The following MINDY4 variants were observed in gnomAD, a reference collection of about 807,000 sequenced individuals.
The protein encoded by MINDY4 is MINDY lysine 48 deubiquitinase 4.
In MINDY4, 68 loss-of-function variants were observed where a neutral mutation model predicts 87.0. The observed-to-expected ratio is 0.78, with a 90% CI of 0.64 to 0.96. The LOEUF is 0.96. Ranked by LOEUF, MINDY4 falls within the 40% of genes least tolerant of loss-of-function variation. The pLI is 0.00. For missense variants in MINDY4, 919 were observed against 928.2 expected (o/e 0.99, Z 0.13); for synonymous variants, 379 against 363.2 (o/e 1.04, Z -0.50).
intron 5 of MINDY4, among the ~76,000 whole-genome samples, chr7:30,802,172 C>G (rs186936584): frequency 1.8e-4 from 27 of 151,914 alleles, no homozygotes; most frequent in Non-Finnish European, 3.4e-4. Context: ...TATGTTCCAG[C>G]AGTTCCTGGC....
At position 30,791,496 on chromosome 7, in the gene MINDY4, C is replaced by T; in HGVS notation, c.995C>T (p.Pro332Leu). Reference protein sequence around the residue: ...TDRMPLKLYLPGGNSRMTQER... With the variant: ...TDRMPLKLYLLGGNSRMTQER... ...AGGATGCCCTTGAAGCTCTACTTGC[C>T]TGGTGGTAATTCCAGGATGACCCAG... The change falls in exon 5 of 18, where the codon CCT (proline) becomes CTT (leucine). Residue 332 changes from proline (P) to leucine (L), a missense_variant. By Grantham distance (98) the Pro-to-Leu change is moderately conservative. Transcript: ENST00000265299. 6.2e-7 allele frequency: 1 copy of T among 1,614,006 alleles called. No homozygotes were observed. The highest frequency in any genetic ancestry group is 8.5e-7 in the Non-Finnish European group (1 of 1,179,946).
chr7:30,803,706 G>A (rs1787726905), intron 5 of MINDY4, among the ~76,000 whole-genome samples: 1 of 152,124 alleles, frequency 6.6e-6, no homozygotes, highest in African/African-American at 2.4e-5. Flanking sequence ...GGGGTAGGGG[G>A]GAAAGTTTGC....
rs138371071 is a variant in MINDY4 at position 30,836,614 on chromosome 7, G to A, written c.1133-44G>A. 7.2e-5 allele frequency: 107 copies of A among 1,483,870 alleles called. 1 individual carries two copies. Among genetic ancestry groups the A allele is most frequent in the South Asian group, 4.7e-4 (41 of 87,690 alleles). The allele number at this position is 1,483,870 out of a possible 1,614,324, so 91.9% of individuals were successfully genotyped here. ...TCAGTGACTTCATGTTCTGTTCTCCGTGAGTCATAACGAAGGGCTCACATG... is the reference window on the plus strand; with the variant it reads ...TCAGTGACTTCATGTTCTGTTCTCCATGAGTCATAACGAAGGGCTCACATG... On this transcript the variant is annotated intron_variant, in intron 6 of 17. Transcript: ENST00000265299.
intron 16 of MINDY4, among the ~76,000 whole-genome samples, chr7:30,882,631 G>A (rs1790503469): frequency 6.6e-6 from 1 of 152,228 alleles, no homozygotes; most frequent in Admixed American, 6.5e-5. Context: ...ATGCTGACAA[G>A]TTTGGATGTA....
intron 15 of MINDY4, among the ~76,000 whole-genome samples, chr7:30,878,229 C>T (rs912939255): frequency 6.6e-6 from 1 of 152,148 alleles, no homozygotes; most frequent in African/African-American, 2.4e-5. Context: ...CACTCACTAG[C>T]AGGTGAAGCC....
chr7:30,863,347 G>T (rs117858971), intron 13 of MINDY4, among the ~76,000 whole-genome samples: 51 of 152,328 alleles, frequency 3.3e-4, no homozygotes, highest in Non-Finnish European at 6.6e-4. Flanking sequence ...GTGTACATTC[G>T]TGGTGGTGTG....
chr7:30,803,093 T>G (rs1787706882), intron 5 of MINDY4: 2 of 152,276 alleles, frequency 1.3e-5, no homozygotes, highest in African/African-American at 4.8e-5. Flanking sequence ...GCCCCATCTT[T>G]AAGTCGTCTG....
At chr7:30,829,743 G>A (rs1405893231) in intron 6 of MINDY4, among the ~76,000 whole-genome samples, 2 of 152,194 alleles carry the variant, frequency 1.3e-5, no homozygotes, top group East Asian at 1.9e-4. Context: ...AGTACAGCAT[G>A]GAGTCAGGAG....
intron 17 of MINDY4, among the ~76,000 whole-genome samples, chr7:30,887,775 A>G (rs1790677110): frequency 6.6e-6 from 1 of 152,194 alleles, no homozygotes; most frequent in South Asian, 2.1e-4. Context: ...CTGGGTGCTG[A>G]CGGGGACCCG....
chr7:30,788,643 G>T (rs1229044597), intron 4 of MINDY4, among the ~76,000 whole-genome samples: 1 of 152,152 alleles, frequency 6.6e-6, no homozygotes, highest in African/African-American at 2.4e-5. Flanking sequence ...TGTTTCCCTT[G>T]AGGTGACAGG....
intron 13 of MINDY4, among the ~76,000 whole-genome samples, chr7:30,868,473 C>T (rs545943774): frequency 6.6e-6 from 1 of 152,354 alleles, no homozygotes; most frequent in East Asian, 1.9e-4. Context: ...GAAGCCCATG[C>T]ATTGTGCAGC....
chr7:30,823,705 G>T (rs1433108924), intron 5 of MINDY4, among the ~76,000 whole-genome samples: 1 of 151,896 alleles, frequency 6.6e-6, no homozygotes, highest in East Asian at 1.9e-4. Flanking sequence ...GCTCCATCTT[G>T]AGTCTTTGGG....
chr7:30,866,576 G>A (rs986764883), intron 13 of MINDY4, among the ~76,000 whole-genome samples: 7 of 152,214 alleles, frequency 4.6e-5, no homozygotes, highest in African/African-American at 1.7e-4. Context: ...CAGTTGGTGG[G>A]TACCCTTAGG....
intron 15 of MINDY4, among the ~76,000 whole-genome samples, chr7:30,881,946 C>T (rs1790474335): frequency 1.3e-5 from 2 of 152,052 alleles, no homozygotes; most frequent in Non-Finnish European, 2.9e-5. Flanking sequence ...GATACCGGGT[C>T]TCAGGTCTGT....
chr7:30,806,805 A>G (rs989400898), intron 5 of MINDY4, among the ~76,000 whole-genome samples: 5 of 152,142 alleles, frequency 3.3e-5, no homozygotes, highest in African/African-American at 1.2e-4. Context: ...GTGTCTTCCT[A>G]CCCTCTTCTC....
At position 30,814,452 on chromosome 7, in the gene MINDY4, C is replaced by T. The variant is rs373096212; in HGVS notation, c.1074-14227C>T. 6.1e-4 allele frequency among the ~76,000 whole-genome samples: 93 copies of T among 152,308 alleles called. No individual in the cohort carries two copies. The South Asian group carries it at 0.015, about 25-fold the overall frequency. On this transcript the variant is annotated intron_variant, in intron 5 of 17. Transcript: ENST00000265299. ...GCTGCATTGTTTTTTATTTTTATCACGTCACCATGGACCTGTGTGTCCTGG... is the reference window on the plus strand; with the variant it reads ...GCTGCATTGTTTTTTATTTTTATCATGTCACCATGGACCTGTGTGTCCTGG...
chr7:30,873,251 A>G (rs1790161198), intron 14 of MINDY4, among the ~76,000 whole-genome samples: 1 of 151,966 alleles, frequency 6.6e-6, no homozygotes, highest in Non-Finnish European at 1.5e-5. Flanking sequence ...CCTCACTCTC[A>G]CTCCAGGCAT....
At position 30,811,155 on chromosome 7, in the gene MINDY4, C is replaced by T. The variant is rs139767948; in HGVS notation, c.1074-17524C>T. Reference sequence around the variant, plus strand: ...ACCACCGAGACTGCTGTTCATTCAGCGGAAAAGGGATGGACTCATCACACC... The same window carrying T: ...ACCACCGAGACTGCTGTTCATTCAGTGGAAAAGGGATGGACTCATCACACC... On this transcript the variant is annotated intron_variant, in intron 5 of 17. Coordinates refer to ENST00000265299, the MANE Select transcript of MINDY4 (RefSeq NM_032222.3). 3.8e-3 allele frequency among the ~76,000 whole-genome samples: 577 copies of T among 151,878 alleles called. 4 individuals are homozygous for T. The highest frequency in any genetic ancestry group is 0.013 in the African/African-American group (552 of 41,400).
At chr7:30,851,425 T>C (rs956914953) in intron 10 of MINDY4, among the ~76,000 whole-genome samples, 1 of 152,244 alleles carries the variant, frequency 6.6e-6, no homozygotes, top group African/African-American at 2.4e-5. Context: ...AAAGAAATGA[T>C]ATAAATATGA....
Sources: gnomAD v4.1 joint callset for allele counts (sites outside exome capture counted in the v4.1 genomes callset) on GRCh38, gnomAD v4.1.1 for gene constraint, MANE v1.5 for transcripts, NCBI Gene and HGNC (gene_info 2026-07-23, HGNC 2026-07-21) for gene names.